ANKRD30B: variants seen among roughly 807,000 people sequenced by gnomAD.
ANKRD30B encodes ankyrin repeat domain-containing protein 30B.
In ANKRD30B, 144 loss-of-function variants were observed where a neutral mutation model predicts 202.2. The observed-to-expected ratio is 0.71, with a 90% CI of 0.62 to 0.82. The LOEUF is 0.82. ANKRD30B is among the 40% of genes least tolerant of loss of function. The probability of loss-of-function intolerance (pLI) is 0.00; values close to 1 mark genes in which losing one functional copy is unlikely to be tolerated. For missense variants in ANKRD30B, 1,487 were observed against 1,669.1 expected (o/e 0.89, Z 1.90); for synonymous variants, 508 against 561.3 (o/e 0.91, Z 1.34).
chr18:14,935,123 T>C, the ANKRD30B span, among the ~76,000 whole-genome samples: 1 of 152,144 alleles, frequency 6.6e-6, no homozygotes, highest in Non-Finnish European at 1.5e-5. Context: ...CATTATAGCA[T>C]GCTAGTCTCA....
At chr18:14,797,978 A>G in intron 20 of ANKRD30B, 124 bp downstream of exon 20, 1 of 964,176 alleles carries the variant, frequency 1.0e-6, no homozygotes, top group Non-Finnish European at 1.5e-6. Context: ...TGATACAAAT[A>G]ATGCCAATGT....
intron 32 of ANKRD30B, among the ~76,000 whole-genome samples, chr18:14,826,689 T>TCA (rs1324783952): frequency 3.5e-4 from 8 of 22,698 alleles, no homozygotes; most frequent in Middle Eastern, 0.05. Flanking sequence ...TCTCTCTCTC[T>TCA]CTCTCACACA....
the ANKRD30B span, among the ~76,000 whole-genome samples, chr18:14,906,629 C>T: frequency 4.6e-5 from 7 of 151,776 alleles, no homozygotes; most frequent in African/African-American, 1.7e-4. Flanking sequence ...CTTTTTTTTG[C>T]ACACACACTT....
the ANKRD30B span, among the ~76,000 whole-genome samples, chr18:14,899,131 AAAATAAATT>A: frequency 6.6e-6 from 1 of 152,166 alleles, no homozygotes; most frequent in Non-Finnish European, 1.5e-5. Flanking sequence ...TTGCCTATCA[AAAATAAATT>A]TTGTTTTAGG....
At chr18:14,770,092 C>T (rs1278972180) in intron 8 of ANKRD30B, among the ~76,000 whole-genome samples, 1 of 152,102 alleles carries the variant, frequency 6.6e-6, no homozygotes, top group African/African-American at 2.4e-5. Context: ...TAGTTGCAGG[C>T]ATTTTTCATT....
At chr18:14,860,919 T>C in the ANKRD30B span, among the ~76,000 whole-genome samples, 1 of 152,114 alleles carries the variant, frequency 6.6e-6, no homozygotes, top group Non-Finnish European at 1.5e-5. Flanking sequence ...CAGGCTGGTC[T>C]TGAACTGCTG....
the ANKRD30B span, among the ~76,000 whole-genome samples, chr18:14,883,335 GTC>G: frequency 8.9e-5 from 6 of 67,352 alleles, no homozygotes; most frequent in Admixed American, 4.0e-4. Context: ...CTCTCTCTCT[GTC>G]TCTCTCTCTC....
chr18:14,827,018 A>T (rs1355039371), intron 32 of ANKRD30B, among the ~76,000 whole-genome samples: 1 of 152,176 alleles, frequency 6.6e-6, no homozygotes, highest in African/African-American at 2.4e-5. Context: ...GTGAGATGAT[A>T]TAATGCCTAT....
At chr18:14,842,105 AAAAT>A (rs1157336603) in intron 37 of ANKRD30B, among the ~76,000 whole-genome samples, 2 of 152,122 alleles carry the variant, frequency 1.3e-5, no homozygotes, top group African/African-American at 4.8e-5. Context: ...ATTGTTTTTT[AAAAT>A]AAATATTGTC....
At chr18:14,839,416 G>A (rs925773021) in intron 36 of ANKRD30B, among the ~76,000 whole-genome samples, 4 of 152,104 alleles carry the variant, frequency 2.6e-5, no homozygotes, top group African/African-American at 9.7e-5. Flanking sequence ...AGAGGGCAGT[G>A]GACCATATTT....
intron 30 of ANKRD30B, among the ~76,000 whole-genome samples, chr18:14,821,076 C>G (rs979744164): frequency 2.2e-4 from 33 of 152,142 alleles, no homozygotes; most frequent in African/African-American, 8.0e-4. Flanking sequence ...TCAACTTCTT[C>G]CTGGTTTAGT....
At chr18:14,881,058 C>T in the ANKRD30B span, among the ~76,000 whole-genome samples, 2 of 152,054 alleles carry the variant, frequency 1.3e-5, no homozygotes, top group African/African-American at 2.4e-5. Context: ...TCCTCTTTAC[C>T]GATTTGGATT....
At chr18:14,912,145 C>T in the ANKRD30B span, among the ~76,000 whole-genome samples, 4 of 152,132 alleles carry the variant, frequency 2.6e-5, no homozygotes, top group African/African-American at 9.7e-5. Context: ...CAAGGACATT[C>T]AGTACTATGT....
the ANKRD30B span, among the ~76,000 whole-genome samples, chr18:14,885,462 C>T: frequency 2.0e-5 from 3 of 151,968 alleles, no homozygotes; most frequent in Non-Finnish European, 2.9e-5. Context: ...TCACATGAGT[C>T]TTAAGAGAAA....
Position 14,822,763 on chromosome 18 carries a change from T to A in ANKRD30B, c.2743+86T>A, listed in dbSNP as rs1056073184. 8 of 1,343,980 alleles carry A rather than the reference T, an allele frequency of 6.0e-6. No individual in the cohort carries two copies. In the African/African-American group the frequency reaches 7.5e-5, roughly 13 times the overall value. The allele number at this position is 1,343,980 out of a possible 1,614,324, so 83.3% of individuals were successfully genotyped here. A position where few individuals can be genotyped will look rare whatever the true frequency, so the allele number is the denominator to read the frequency against. ...AAGAGCCTTTTTATTCCCAATGTTG[T>A]TTTCTTTTCAAAATTGGATGGGAAA... On this transcript the variant is annotated intron_variant, in intron 32 of 43. Coordinates refer to ENST00000690538, the MANE Select transcript of ANKRD30B (RefSeq NM_001367607.2).
chr18:14,807,766 G>C (rs1391677599), intron 24 of ANKRD30B, among the ~76,000 whole-genome samples: 1 of 150,656 alleles, frequency 6.6e-6, no homozygotes, highest in Non-Finnish European at 1.5e-5. Flanking sequence ...TCCTGGCCTT[G>C]AGAGATCCAC....
At chr18:14,761,954 G>A (rs1915326213) in intron 6 of ANKRD30B, among the ~76,000 whole-genome samples, 1 of 152,154 alleles carries the variant, frequency 6.6e-6, no homozygotes, top group South Asian at 2.1e-4. Context: ...ATATTCCACT[G>A]TTGACCTGGA....
chr18:14,858,729 G>A (rs566633740), downstream of ANKRD30B, among the ~76,000 whole-genome samples: 10 of 146,058 alleles, frequency 6.8e-5, no homozygotes, highest in South Asian at 2.1e-4. Context: ...CAGACGGGGC[G>A]GCTGGGCAGA....
the ANKRD30B span, among the ~76,000 whole-genome samples, chr18:14,904,813 C>T: frequency 1.3e-5 from 2 of 152,132 alleles, no homozygotes; most frequent in South Asian, 2.1e-4. Context: ...AGACATAAAT[C>T]AATACATGTG....
Sources: gnomAD v4.1 joint callset for allele counts (sites outside exome capture counted in the v4.1 genomes callset) on GRCh38, gnomAD v4.1.1 for gene constraint, MANE v1.5 for transcripts, NCBI Gene and HGNC (gene_info 2026-07-23, HGNC 2026-07-21) for gene names.